Variants in MZT1 observed in about 807,000 individuals in gnomAD.
MZT1 encodes the protein mitotic-spindle organizing protein 1.
Under a neutral mutation model 8.5 loss-of-function variants are expected in MZT1, and 8 were observed. That is an observed-to-expected ratio of 0.94 (90% CI 0.55 to 1.70). MZT1 has a LOEUF of 1.70. Ranked by LOEUF, MZT1 falls within the 40% of genes most tolerant of loss-of-function variation. MZT1 has a pLI of 0.00. For synonymous variants in MZT1, 38 were observed against 42.0 expected, an observed-to-expected ratio of 0.90 and a Z score of 0.37; for missense variants, 93 against 108.6, an observed-to-expected ratio of 0.86 and a Z score of 0.64.
intron 1 of MZT1, among the ~76,000 whole-genome samples, chr13:72,723,980 A>T (rs1209709998): frequency 6.6e-6 from 1 of 152,230 alleles, no homozygotes; most frequent in African/African-American, 2.4e-5. Flanking sequence ...AGTGAGTAGA[A>T]ATCAACCAGA....
At chr13:72,727,482 T>G in intron 1 of MZT1, 42 bp downstream of exon 1, 1 of 1,599,502 alleles carries the variant, frequency 6.3e-7, no homozygotes, top group South Asian at 1.1e-5. Flanking sequence ...GCCTTGGCTC[T>G]GGGAAGGCAC....
intron 1 of MZT1, among the ~76,000 whole-genome samples, chr13:72,724,753 T>TGTGTGTGTGG (rs2032629159): frequency 4.2e-5 from 1 of 23,818 alleles, no homozygotes; most frequent in Non-Finnish European, 2.0e-4. Flanking sequence ...CATATATATA[T>TGTGTGTGTGG]GTAAAGTGGT....
At chr13:72,718,898 A>G (rs1238817401) in intron 2 of MZT1, 54 bp downstream of exon 2, 77 of 1,483,402 alleles carry the variant, frequency 5.2e-5, no homozygotes, top group Non-Finnish European at 6.6e-5. Flanking sequence ...ATCATTAATC[A>G]TTTTTCTAAA....
intron 1 of MZT1, among the ~76,000 whole-genome samples, chr13:72,721,034 G>A (rs745345874): frequency 8.5e-5 from 13 of 152,168 alleles, no homozygotes; most frequent in Non-Finnish European, 1.3e-4. Context: ...GTGTGATCGG[G>A]GGGGTGTTCG....
intron 2 of MZT1, among the ~76,000 whole-genome samples, chr13:72,711,665 T>C (rs563866794): frequency 1.5e-4 from 23 of 150,790 alleles, no homozygotes; most frequent in Non-Finnish European, 2.8e-4. Context: ...GCAGGAACAA[T>C]TTCTCTTTAC....
At chr13:72,725,898 T>C (rs1042382349) in intron 1 of MZT1, among the ~76,000 whole-genome samples, 7 of 152,156 alleles carry the variant, frequency 4.6e-5, no homozygotes, top group African/African-American at 7.2e-5. Context: ...TATATTTATA[T>C]ACACACACAT....
intron 2 of MZT1, among the ~76,000 whole-genome samples, chr13:72,715,414 T>C (rs1297853208): frequency 1.3e-5 from 2 of 152,182 alleles, no homozygotes; most frequent in Non-Finnish European, 2.9e-5. Flanking sequence ...TTTTGAGTTA[T>C]TGCTGGAATG....
intron 1 of MZT1, among the ~76,000 whole-genome samples, chr13:72,724,934 C>T (rs1354607239): frequency 1.3e-4 from 19 of 148,568 alleles, no homozygotes; most frequent in Admixed American, 4.0e-4. Context: ...CGCCTATAAT[C>T]CTAGTTACTC....
chr13:72,710,368 A>T (rs753138677), intron 2 of MZT1, 23 bp from the exon 3 acceptor site: 20 of 1,611,952 alleles, frequency 1.2e-5, no homozygotes, highest in Admixed American at 6.7e-5. Context: ...AGTAAGATTC[A>T]TTACAATAAA....
rs1180726488 is a variant in MZT1, at chr13:72,724,752, A to ATATATGTGTGTGTG, written c.79+2771_79+2772insCACACACACATATA. ...TATATATATATATACACATATATAT[A>ATATATGTGTGTGTG]TGTAAAGTGGTGCTACAGGCCGGGC... On this transcript the variant is annotated intron_variant, in intron 1 of 2. Coordinates refer to ENST00000377818, the MANE Select transcript of MZT1 (RefSeq NM_001071775.3). Among the ~76,000 whole-genome samples, 288 of 56,854 alleles carry ATATATGTGTGTGTG rather than the reference A, an allele frequency of 5.1e-3. 59 individuals carry two copies. Among genetic ancestry groups the ATATATGTGTGTGTG allele is most frequent in the Non-Finnish European group, 7.1e-3 (191 of 26,816 alleles). The allele number at this position is 56,854 out of a possible 152,430, so 37.3% of individuals were successfully genotyped here. A position where few individuals can be genotyped will look rare whatever the true frequency, so the allele number is the denominator to read the frequency against.
In MZT1 at chr13:72,708,708, G is replaced by A. The variant is rs535818178; in HGVS notation, c.*1614C>T. 3 of 151,752 alleles carry A rather than the reference G, an allele frequency of 2.0e-5. No homozygotes were observed. Among genetic ancestry groups the A allele is most frequent in the Non-Finnish European group, 2.9e-5 (2 of 67,950 alleles). 9.4% of individuals were successfully genotyped at this position (151,752 alleles called of 1,614,324 possible). On this transcript the variant is annotated 3_prime_UTR_variant, in exon 3 of 3. Transcript: ENST00000377818. ...TTGTAGTGTTGATTATAAATCAAATGACTTTTTACAAATTCCTACTGTCTC... is the reference window on the plus strand; with the variant it reads ...TTGTAGTGTTGATTATAAATCAAATAACTTTTTACAAATTCCTACTGTCTC...
intron 2 of MZT1, among the ~76,000 whole-genome samples, chr13:72,715,359 A>G (rs1320877988): frequency 8.1e-6 from 1 of 122,762 alleles, no homozygotes; most frequent in Non-Finnish European, 2.1e-5. Context: ...TAGATTTTAC[A>G]GGCTCATAGG....
At chr13:72,725,898 T>TAC (rs1281885730) in intron 1 of MZT1, among the ~76,000 whole-genome samples, 2 of 152,274 alleles carry the variant, frequency 1.3e-5, no homozygotes, top group East Asian at 1.9e-4. Flanking sequence ...TATATTTATA[T>TAC]ACACACACAT....
At chr13:72,712,113 A>G (rs2138006119) in intron 2 of MZT1, among the ~76,000 whole-genome samples, 1 of 152,190 alleles carries the variant, frequency 6.6e-6, no homozygotes, top group East Asian at 1.9e-4. Context: ...AATTATAGAG[A>G]TTATGTCAAT....
chr13:72,716,776 T>G (rs1435574939), intron 2 of MZT1, among the ~76,000 whole-genome samples: 4 of 152,230 alleles, frequency 2.6e-5, no homozygotes, highest in Non-Finnish European at 5.9e-5. Flanking sequence ...ATGTTTTTAG[T>G]TGCCAATCTG....
In MZT1 at chr13:72,708,584, T is replaced by A. The variant is rs1363337855; in HGVS notation, c.*1738A>T. The A allele has an allele frequency of 6.6e-6, 1 of 152,572 alleles. No individual in the cohort carries two copies. The highest frequency in any genetic ancestry group is 1.5e-5 in the Non-Finnish European group (1 of 68,018). The allele number at this position is 152,572 out of a possible 1,614,324, so 9.5% of individuals were successfully genotyped here. On this transcript the variant is annotated 3_prime_UTR_variant, in exon 3 of 3. Coordinates refer to ENST00000377818, the MANE Select transcript of MZT1 (RefSeq NM_001071775.3). ...TACATAAATAACTTAATCTACAAAGTCATAAATAATACTATCAACTCTTAT... is the reference window on the plus strand; with the variant it reads ...TACATAAATAACTTAATCTACAAAGACATAAATAATACTATCAACTCTTAT...
intron 1 of MZT1, among the ~76,000 whole-genome samples, chr13:72,719,746 C>T (rs528481644): frequency 1.1e-4 from 16 of 151,908 alleles, no homozygotes; most frequent in Non-Finnish European, 2.2e-4. Context: ...AAAAATGAAA[C>T]CTTATATTTT....
At chr13:72,727,176 A>G (rs1248875262) in intron 1 of MZT1, among the ~76,000 whole-genome samples, 1 of 152,162 alleles carries the variant, frequency 6.6e-6, no homozygotes, top group Non-Finnish European at 1.5e-5. Context: ...GAACGGGTGT[A>G]CTGGGTGGGG....
At chr13:72,725,093 A>T (rs996127624) in intron 1 of MZT1, among the ~76,000 whole-genome samples, 1 of 151,874 alleles carries the variant, frequency 6.6e-6, no homozygotes, top group African/African-American at 2.4e-5. Context: ...GCCTCTCATA[A>T]GGAATAATTA....
Sources: allele counts gnomAD v4.1 joint callset (sites outside exome capture counted in the v4.1 genomes callset), GRCh38; gene constraint gnomAD v4.1.1; transcripts MANE v1.5; gene names NCBI Gene and HGNC (gene_info 2026-07-23, HGNC 2026-07-21).